IGF1R: variants seen among roughly 807,000 people sequenced by gnomAD.
IGF1R encodes insulin like growth factor 1 receptor.
In IGF1R, 44 loss-of-function variants were observed where a neutral mutation model predicts 144.6. The ratio of observed to expected loss-of-function variants is 0.30; its 90% CI spans 0.24 to 0.39. The LOEUF is 0.39. Among genes scored for constraint, IGF1R ranks in the 10% least tolerant of loss-of-function variants. The pLI is 1.00. For synonymous variants in IGF1R, 795 were observed against 722.8 expected (o/e 1.10, Z -1.60); for missense variants, 1,355 against 1,833.7 (o/e 0.74, Z 4.77).
rs143599965 is a variant in IGF1R at position 98,929,933 on chromosome 15, G to A, written c.2885+273G>A. Reference sequence around the variant, plus strand: ...GTGCATACTTTTCCAAACGCGATGCGCTAGCCTTCCCAATCAAATAAGCCT... The same window carrying A: ...GTGCATACTTTTCCAAACGCGATGCACTAGCCTTCCCAATCAAATAAGCCT... On this transcript the variant is annotated intron_variant, in intron 14 of 20. Transcript: ENST00000650285. Among the ~76,000 whole-genome samples the A allele has an allele frequency of 9.0e-4, 137 of 152,290 alleles. 1 individual carries two copies. Among genetic ancestry groups the A allele is most frequent in the African/African-American group, 3.1e-3 (130 of 41,554 alleles).
chr15:98,692,797 C>G (rs1317585430), intron 1 of IGF1R, among the ~76,000 whole-genome samples: 1 of 152,172 alleles, frequency 6.6e-6, no homozygotes, highest in Admixed American at 6.5e-5. Flanking sequence ...TGTTTACCAC[C>G]TGATACATTG....
At chr15:98,653,613 G>T (rs1478581211) in intron 1 of IGF1R, among the ~76,000 whole-genome samples, 1 of 152,166 alleles carries the variant, frequency 6.6e-6, no homozygotes, top group African/African-American at 2.4e-5. Flanking sequence ...CTTACAGAAC[G>T]AAAGGTTTTA....
intron 2 of IGF1R, among the ~76,000 whole-genome samples, chr15:98,750,730 C>T (rs559273818): frequency 6.6e-6 from 1 of 152,282 alleles, no homozygotes; most frequent in African/African-American, 2.4e-5. Context: ...TGGAAAAACT[C>T]AGAAAAGTAG....
chr15:98,673,958 G>A (rs1295265514), intron 1 of IGF1R, among the ~76,000 whole-genome samples: 1 of 152,154 alleles, frequency 6.6e-6, no homozygotes, highest in Admixed American at 6.5e-5. Flanking sequence ...GTACAGCCAT[G>A]TTTCTCTTGT....
At chr15:98,825,819 A>G (rs958714972) in intron 2 of IGF1R, among the ~76,000 whole-genome samples, 1 of 152,214 alleles carries the variant, frequency 6.6e-6, no homozygotes, top group Non-Finnish European at 1.5e-5. Flanking sequence ...ATACACAAGC[A>G]TCCTATTTTT....
At position 98,959,853 on chromosome 15, in the gene IGF1R, T is replaced by TAA; in HGVS notation, c.*2411_*2412insAA. 1 of 128,940 alleles carries TAA rather than the reference T, an allele frequency of 7.8e-6. No individual in the cohort carries two copies. The highest frequency in any genetic ancestry group is 1.6e-5 in the Non-Finnish European group (1 of 64,400). 8.0% of individuals were successfully genotyped at this position (128,940 alleles called of 1,614,324 possible). A position where few individuals can be genotyped will look rare whatever the true frequency, so the allele number is the denominator to read the frequency against. Reference sequence around the variant, plus strand: ...GTCTCTATCCCATAGCGTGTTCCCTTTAAAAAAAAAAAAAAGGTATTATAT... The same window carrying TAA: ...GTCTCTATCCCATAGCGTGTTCCCTTAATAAAAAAAAAAAAAAGGTATTATAT... On this transcript the variant is annotated 3_prime_UTR_variant, in exon 21 of 21. Transcript: ENST00000650285.
chr15:98,735,498 C>T (rs1596249359), intron 2 of IGF1R, among the ~76,000 whole-genome samples: 1 of 152,372 alleles, frequency 6.6e-6, no homozygotes, highest in Middle Eastern at 3.4e-3. Flanking sequence ...CAAGAGGTCT[C>T]TAGCCGTGAT....
In IGF1R at chr15:98,842,373, C is replaced by T. The variant is rs192860277; in HGVS notation, c.641-48952C>T. ...GTCAAGGCAGTGCTCACAACAGGAT[C>T]ATTGTGCTGCTGTAGTTCAGTTTAG... On this transcript the variant is annotated intron_variant, in intron 2 of 20. Transcript: ENST00000650285. 4.0e-3 allele frequency among the ~76,000 whole-genome samples: 613 copies of T among 152,312 alleles called. 5 individuals carry two copies. Among genetic ancestry groups the T allele is most frequent in the African/African-American group, 0.014 (581 of 41,564 alleles).
chr15:98,684,409 G>T (rs1383518393), intron 1 of IGF1R, among the ~76,000 whole-genome samples: 1 of 149,512 alleles, frequency 6.7e-6, no homozygotes, highest in Non-Finnish European at 1.5e-5. Flanking sequence ...AATGGGGGAG[G>T]TGGGGGGTGT....
At position 98,961,105 on chromosome 15, in the gene IGF1R, C is replaced by A. The variant is rs760320387; in HGVS notation, c.*3663C>A. ...GGCGCTCAGGAGCCTCCTGCTGGAA[C>A]GCGACCCATCTCTCCCAGGACCCCG... On this transcript the variant is annotated 3_prime_UTR_variant, in exon 21 of 21. Transcript: ENST00000650285. 7.3e-5 allele frequency: 17 copies of A among 233,394 alleles called. No individual in the cohort carries two copies. The highest frequency in any genetic ancestry group is 1.7e-4 in the Admixed American group (3 of 17,776). 14.5% of individuals were successfully genotyped at this position (233,394 alleles called of 1,614,324 possible).
intron 15 of IGF1R, among the ~76,000 whole-genome samples, chr15:98,930,636 C>G (rs1440858833): frequency 6.6e-6 from 1 of 151,494 alleles, no homozygotes; most frequent in East Asian, 1.9e-4. Context: ...TTGTTAACAT[C>G]TAGTCAGAGG....
At chr15:98,775,577 C>T (rs72769847) in intron 2 of IGF1R, among the ~76,000 whole-genome samples, 1 of 152,082 alleles carries the variant, frequency 6.6e-6, no homozygotes, top group African/African-American at 2.4e-5. Context: ...CCCCACTTGT[C>T]GGGGAAGCAG....
At chr15:98,741,036 G>GTT (rs1460376179) in intron 2 of IGF1R, among the ~76,000 whole-genome samples, 1 of 123,448 alleles carries the variant, frequency 8.1e-6, no homozygotes, top group Non-Finnish European at 1.8e-5. Flanking sequence ...GAGTGATAAT[G>GTT]TTTAACATTT....
At chr15:98,932,326 A>G (rs958201887) in intron 15 of IGF1R, among the ~76,000 whole-genome samples, 1 of 152,192 alleles carries the variant, frequency 6.6e-6, no homozygotes, top group Non-Finnish European at 1.5e-5. Flanking sequence ...TTGCAGTTCA[A>G]AAGTGCTTTA....
chr15:98,854,500 G>A (rs904256298), intron 2 of IGF1R, among the ~76,000 whole-genome samples: 2 of 152,042 alleles, frequency 1.3e-5, no homozygotes, highest in African/African-American at 4.8e-5. Flanking sequence ...TTTCTTCTGC[G>A]GCCCTTCATA....
chr15:98,940,681 A>G (rs1013032599), intron 18 of IGF1R, among the ~76,000 whole-genome samples: 1 of 152,242 alleles, frequency 6.6e-6, no homozygotes, highest in African/African-American at 2.4e-5. Flanking sequence ...CTGAGATTAC[A>G]GGCGTGAGCC....
intron 2 of IGF1R, among the ~76,000 whole-genome samples, chr15:98,777,232 G>C (rs1366082996): frequency 6.6e-6 from 1 of 152,236 alleles, no homozygotes; most frequent in African/African-American, 2.4e-5. Flanking sequence ...ACTTGCCGCA[G>C]TGGAGACATT....
chr15:98,865,212 T>TATTTTGTG (rs2012364783), intron 2 of IGF1R, among the ~76,000 whole-genome samples: 1 of 152,200 alleles, frequency 6.6e-6, no homozygotes, highest in African/African-American at 2.4e-5. Flanking sequence ...CACTAAGGGT[T>TATTTTGTG]ATTTTGTGTT....
chr15:98,765,076 T>C (rs1207349835), intron 2 of IGF1R, among the ~76,000 whole-genome samples: 11 of 152,222 alleles, frequency 7.2e-5, no homozygotes, highest in Admixed American at 6.5e-4. Context: ...TGTGACCTTT[T>C]GTGTCTGGCT....
Sources: gnomAD v4.1 joint callset for allele counts (sites outside exome capture counted in the v4.1 genomes callset) on GRCh38, gnomAD v4.1.1 for gene constraint, MANE v1.5 for transcripts, NCBI Gene and HGNC (gene_info 2026-07-23, HGNC 2026-07-21) for gene names.